The following STX18 variants were observed in gnomAD, a reference collection of about 807,000 sequenced individuals.
The protein encoded by STX18 is syntaxin-18.
Under a neutral mutation model 50.1 loss-of-function variants are expected in STX18, and 40 were observed. The observed-to-expected ratio is 0.80, with a 90% CI of 0.62 to 1.04. STX18 has a LOEUF of 1.04. STX18 is among the 50% of genes least tolerant of loss of function. The pLI is 0.00. For synonymous variants in STX18, 158 were observed against 151.8 expected (o/e 1.04, Z -0.30); for missense variants, 410 against 415.8 (o/e 0.99, Z 0.12).
chr4:4,526,156 G>T (rs1413543244), intron 1 of STX18, among the ~76,000 whole-genome samples: 1 of 152,188 alleles, frequency 6.6e-6, no homozygotes, highest in Admixed American at 6.5e-5. Context: ...AATGATGAAA[G>T]CAACATCTTC....
intron 1 of STX18, among the ~76,000 whole-genome samples, chr4:4,515,554 T>C (rs939182939): frequency 2.6e-5 from 4 of 152,122 alleles, no homozygotes; most frequent in Non-Finnish European, 5.9e-5. Flanking sequence ...TACTATACAC[T>C]GTATTTTATA....
intron 8 of STX18, among the ~76,000 whole-genome samples, chr4:4,424,883 T>C (rs1252836318): frequency 1.3e-5 from 2 of 152,126 alleles, no homozygotes; most frequent in Non-Finnish European, 2.9e-5. Context: ...GTGGAAATTA[T>C]ACGCAGGTAA....
chr4:4,422,777 A>G (rs927915804), intron 9 of STX18, among the ~76,000 whole-genome samples: 2 of 152,164 alleles, frequency 1.3e-5, no homozygotes, highest in African/African-American at 4.8e-5. Flanking sequence ...CTCATTTACA[A>G]TGATTTCACT....
At chr4:4,534,549 C>A (rs1378996830) in intron 1 of STX18, among the ~76,000 whole-genome samples, 1 of 152,190 alleles carries the variant, frequency 6.6e-6, no homozygotes, top group Non-Finnish European at 1.5e-5. Context: ...CTCAGTTTCA[C>A]CTGAATTACT....
chr4:4,533,239 A>G (rs1363490903), intron 1 of STX18, among the ~76,000 whole-genome samples: 1 of 152,164 alleles, frequency 6.6e-6, no homozygotes, highest in Non-Finnish European at 1.5e-5. Flanking sequence ...ATTAAATGTA[A>G]TACGCTTTAA....
chr4:4,502,720 G>A (rs1391707499), intron 1 of STX18, among the ~76,000 whole-genome samples: 1 of 152,188 alleles, frequency 6.6e-6, no homozygotes, highest in Admixed American at 6.5e-5. Context: ...AGTGGAGGCT[G>A]AATTGCTAAG....
At position 4,423,704 on chromosome 4, in the gene STX18, C is replaced by T. The variant is rs969662426; in HGVS notation, c.762-117G>A. ...GTGAAGGTGGGAGAGACAGGGGGCACACTGTGTCGGCTGGGGGAAGAGGAG... is the reference window on the plus strand; with the variant it reads ...GTGAAGGTGGGAGAGACAGGGGGCATACTGTGTCGGCTGGGGGAAGAGGAG... On this transcript the variant is annotated intron_variant, in intron 8 of 10. Coordinates refer to ENST00000306200, the MANE Select transcript of STX18 (RefSeq NM_016930.4). 8.0e-6 allele frequency: 8 copies of T among 998,150 alleles called. No individual in the cohort carries two copies. The Admixed American group carries it at 8.2e-5, about 10-fold the overall frequency. 61.8% of individuals were successfully genotyped at this position (998,150 alleles called of 1,614,324 possible).
At chr4:4,504,448 C>T (rs553920901) in intron 1 of STX18, among the ~76,000 whole-genome samples, 5 of 152,234 alleles carry the variant, frequency 3.3e-5, no homozygotes, top group South Asian at 4.1e-4. Context: ...ACTCAGGATA[C>T]AGGAGTACAC....
At chr4:4,532,744 G>A (rs948171702) in intron 1 of STX18, among the ~76,000 whole-genome samples, 2 of 152,142 alleles carry the variant, frequency 1.3e-5, no homozygotes, top group East Asian at 1.9e-4. Context: ...TTTACAATTC[G>A]AAACGTACAC....
At chr4:4,499,222 G>A (rs1248618144) in intron 1 of STX18, among the ~76,000 whole-genome samples, 2 of 152,150 alleles carry the variant, frequency 1.3e-5, no homozygotes, top group Non-Finnish European at 2.9e-5. Flanking sequence ...ACCGTACCTT[G>A]TGGAATGGAA....
chr4:4,512,328 AT>A, intron 1 of STX18, among the ~76,000 whole-genome samples: 1 of 151,856 alleles, frequency 6.6e-6, no homozygotes, highest in African/African-American at 2.4e-5. Context: ...CTTTTTCCTA[AT>A]TCCAATTAAA....
chr4:4,493,479 G>C (rs1176012987), intron 1 of STX18, among the ~76,000 whole-genome samples: 1 of 152,128 alleles, frequency 6.6e-6, no homozygotes, highest in East Asian at 1.9e-4. Flanking sequence ...TATTCACCTG[G>C]TAGTTCTAAA....
chr4:4,502,362 G>A (rs1177501394), intron 1 of STX18, among the ~76,000 whole-genome samples: 2 of 152,126 alleles, frequency 1.3e-5, no homozygotes, highest in Non-Finnish European at 2.9e-5. Context: ...AAGAATTTAG[G>A]GAAATGGGCA....
At chr4:4,538,134 G>C (rs1287007406) in intron 1 of STX18, among the ~76,000 whole-genome samples, 1 of 150,414 alleles carries the variant, frequency 6.6e-6, no homozygotes, top group Admixed American at 6.6e-5. Flanking sequence ...AAACAAACAT[G>C]GGTCTGCTTT....
intron 1 of STX18, among the ~76,000 whole-genome samples, chr4:4,500,801 C>A (rs1416418582): frequency 1.3e-5 from 2 of 152,108 alleles, no homozygotes; most frequent in African/African-American, 4.8e-5. Flanking sequence ...TTTGGGAGGC[C>A]AAGGTGGGTG....
chr4:4,443,130 T>G (rs1393255268), intron 5 of STX18, among the ~76,000 whole-genome samples: 1 of 152,212 alleles, frequency 6.6e-6, no homozygotes, highest in African/African-American at 2.4e-5. Context: ...ATCCTGCAAA[T>G]TAACATGTAT....
At chr4:4,424,616 C>T (rs1466019211) in intron 8 of STX18, among the ~76,000 whole-genome samples, 1 of 152,148 alleles carries the variant, frequency 6.6e-6, no homozygotes, top group Non-Finnish European at 1.5e-5. Flanking sequence ...GGGACATGTC[C>T]ACAATACAAC....
intron 1 of STX18, among the ~76,000 whole-genome samples, chr4:4,509,390 C>G (rs1046183853): frequency 2.7e-4 from 41 of 151,968 alleles, no homozygotes; most frequent in African/African-American, 9.9e-4. Context: ...ATGTCCTTTG[C>G]CCACTTTTTA....
Position 4,471,685 on chromosome 4 carries a change from TCA to T in STX18, c.188_189del (p.Leu63GlnfsTer13), listed in dbSNP as rs1279912133. On this transcript the variant is annotated frameshift_variant, in exon 2 of 11. Transcript: ENST00000306200. LOFTEE classifies it high-confidence loss of function. ...AREVISHIGK[L>X]RDFLLEHRKD... is the part of the protein sequence containing the mutation. ...TTCCTGTGTTCCAGAAGAAAATCTC[TCA>T]GTTTGCCAATGTGAGAAATCTAAAA... The T allele has an allele frequency of 1.3e-6, 2 of 1,587,432 alleles. No homozygotes were observed. The highest frequency in any genetic ancestry group is 1.7e-6 in the Non-Finnish European group (2 of 1,172,988).
Sources: gnomAD v4.1 joint callset for allele counts (sites outside exome capture counted in the v4.1 genomes callset) on GRCh38, gnomAD v4.1.1 for gene constraint, MANE v1.5 for transcripts, NCBI Gene and HGNC (gene_info 2026-07-23, HGNC 2026-07-21) for gene names.